SEMA4D: variants seen among roughly 807,000 people sequenced by gnomAD.
SEMA4D encodes the protein semaphorin 4D.
SEMA4D carries 22 observed loss-of-function variants against 74.8 expected under a neutral mutation model. The ratio of observed to expected loss-of-function variants is 0.29; its 90% confidence interval spans 0.21 to 0.42. SEMA4D has a LOEUF of 0.42. Among genes scored for constraint, SEMA4D ranks in the 10% least tolerant of loss-of-function variants. The pLI is 1.00. For missense variants in SEMA4D, 937 were observed against 1,118.4 expected (o/e 0.84, Z 2.31); for synonymous variants, 445 against 463.7 (o/e 0.96, Z 0.52).
downstream of SEMA4D, chr9:89,377,108 AC>A: frequency 6.7e-7 from 1 of 1,490,414 alleles, no homozygotes; most frequent in Middle Eastern, 2.1e-4. Context: ...CGCCAGGAGC[AC>A]GTCACAGGCC....
chr9:89,459,381 G>A (rs1253568408), intron 1 of SEMA4D, among the ~76,000 whole-genome samples: 1 of 152,218 alleles, frequency 6.6e-6, no homozygotes, highest in Non-Finnish European at 1.5e-5. Flanking sequence ...TTCCGTCAGT[G>A]AATGCTTTTT....
intron 2 of SEMA4D, among the ~76,000 whole-genome samples, chr9:89,411,405 A>G (rs1240317188): frequency 6.6e-6 from 1 of 152,202 alleles, no homozygotes; most frequent in Non-Finnish European, 1.5e-5. Flanking sequence ...GGGAGGGGAC[A>G]AGAGTCAGAG....
chr9:89,415,187 G>A (rs1458972594), intron 2 of SEMA4D, among the ~76,000 whole-genome samples: 1 of 152,138 alleles, frequency 6.6e-6, no homozygotes, highest in Non-Finnish European at 1.5e-5. Flanking sequence ...TTTCTGGAGG[G>A]TGTGTGGTGT....
At chr9:89,363,561 CTG>C in intron 17 of SEMA4D, 3 of 1,612,680 alleles carry the variant, frequency 1.9e-6, no homozygotes, top group Non-Finnish European at 2.5e-6. Flanking sequence ...GGTCAAAGCT[CTG>C]TGGGCCTTTA....
At chr9:89,385,496 G>A (rs763592507) in intron 13 of SEMA4D, 94 of 985,238 alleles carry the variant, frequency 9.5e-5, no homozygotes, top group Non-Finnish European at 1.0e-4. Flanking sequence ...CCTGGAGACC[G>A]AGAGGCTGGT....
chr9:89,474,096 C>T (rs1426971345), intron 1 of SEMA4D, among the ~76,000 whole-genome samples: 1 of 152,130 alleles, frequency 6.6e-6, no homozygotes, highest in Non-Finnish European at 1.5e-5. Context: ...CAAAGGAGTT[C>T]CAGCCACTCT....
chr9:89,465,779 A>G (rs1858528560), intron 1 of SEMA4D, among the ~76,000 whole-genome samples: 1 of 152,198 alleles, frequency 6.6e-6, no homozygotes, highest in Non-Finnish European at 1.5e-5. Context: ...TTGCCTTCGG[A>G]TATCTATGAC....
intron 2 of SEMA4D, chr9:89,450,592 C>A: frequency 1.2e-6 from 1 of 854,018 alleles, no homozygotes; most frequent in Non-Finnish European, 1.9e-6. Flanking sequence ...CTCTATAAGT[C>A]TGAGATGAAG....
At chr9:89,428,169 C>T (rs150611566) in intron 2 of SEMA4D, among the ~76,000 whole-genome samples, 1 of 152,134 alleles carries the variant, frequency 6.6e-6, no homozygotes, top group Non-Finnish European at 1.5e-5. Flanking sequence ...TGGAGGGATA[C>T]GGCCCCCACA....
chr9:89,403,009 G>C lies in SEMA4D; in HGVS notation c.114C>G (p.His38Gln). ...PRITWEHREV[H>Q]LVQFHEPDIY... ...TGTCTGGCTCATGAAACTGCACCAG[G>C]TGCACCTCTGTGGGATGCAAGGGCA... The change falls in exon 4 of 16, where the codon CAC becomes CAG. Residue 38 changes from histidine (H) to glutamine (Q), a missense_variant. By Grantham distance (24) the His-to-Gln change is conservative. Transcript: ENST00000422704. 1 of 1,609,582 alleles carries C rather than the reference G, an allele frequency of 6.2e-7. No individual in the cohort carries two copies. The highest frequency in any genetic ancestry group is 8.5e-7 in the Non-Finnish European group (1 of 1,176,078).
At chr9:89,386,301 C>T in intron 13 of SEMA4D, 66 bp downstream of exon 13, 1 of 1,312,682 alleles carries the variant, frequency 7.6e-7, no homozygotes, top group Non-Finnish European at 1.1e-6. Flanking sequence ...TGCCAACTCT[C>T]CTGTCACCTA....
chr9:89,449,632 G>T, intron 2 of SEMA4D: 1 of 1,273,604 alleles, frequency 7.9e-7, no homozygotes, highest in Non-Finnish European at 1.1e-6. Flanking sequence ...AGATGGGGGG[G>T]TGACATTGCC....
Position 89,405,612 on chromosome 9 carries a change from T to A in SEMA4D, c.-156A>T. The stretch of plus-strand genomic sequence containing the variant: ...CAGCGCGGTCCCTGAGAATCCACAT[T>A]TCCCAGTTCTCCAGGTGAGGAGGGG... On this transcript the variant is annotated 5_prime_UTR_variant, in exon 3 of 16. Coordinates refer to ENST00000422704, the MANE Select transcript of SEMA4D (RefSeq NM_001371194.2). 7.0e-7 allele frequency: 1 copy of A among 1,438,416 alleles called. No individual in the cohort carries two copies. Among genetic ancestry groups the A allele is most frequent in the South Asian group, 1.5e-5 (1 of 68,384 alleles). 89.1% of individuals were successfully genotyped at this position (1,438,416 alleles called of 1,614,324 possible). A position where few individuals can be genotyped will look rare whatever the true frequency, so the allele number is the denominator to read the frequency against.
chr9:89,491,496 C>T (rs1031952234), intron 1 of SEMA4D, among the ~76,000 whole-genome samples: 6 of 152,268 alleles, frequency 3.9e-5, no homozygotes, highest in African/African-American at 4.8e-5. Context: ...CTTGAACCCA[C>T]GAGGCAGAGG....
intron 13 of SEMA4D, among the ~76,000 whole-genome samples, chr9:89,384,225 G>A (rs1021486228): frequency 1.3e-5 from 2 of 152,234 alleles, no homozygotes; most frequent in Non-Finnish European, 2.9e-5. Flanking sequence ...GAAGCCAGAA[G>A]GTGGGAGCAA....
downstream of SEMA4D, among the ~76,000 whole-genome samples, chr9:89,374,018 A>G (rs962153042): frequency 6.6e-6 from 1 of 152,236 alleles, no homozygotes; most frequent in African/African-American, 2.4e-5. Flanking sequence ...ACCCTTGAAA[A>G]GGCTGAAGCC....
At chr9:89,430,751 C>T (rs921996885) in intron 2 of SEMA4D, among the ~76,000 whole-genome samples, 3 of 152,194 alleles carry the variant, frequency 2.0e-5, no homozygotes, top group African/African-American at 7.2e-5. Context: ...CCAAGGCGGG[C>T]AGATCACCTG....
At chr9:89,385,378 T>G in intron 13 of SEMA4D, 1 of 985,418 alleles carries the variant, frequency 1.0e-6, no homozygotes. Flanking sequence ...AACAGCACGA[T>G]GGCCCCAGAA....
chr9:89,379,338 G>T lies in SEMA4D; in HGVS notation c.1955C>A (p.Pro652His). The T allele has an allele frequency of 1.2e-6, 2 of 1,614,158 alleles. No individual in the cohort carries two copies. The highest frequency in any genetic ancestry group is 1.7e-6 in the Non-Finnish European group (2 of 1,180,028). Reference sequence around the variant, plus strand: ...AACTGACAAGGTGGGGGCCACTACGGGCTTTGGAACCACCTTCACTTCCAG... The same window carrying T: ...AACTGACAAGGTGGGGGCCACTACGTGCTTTGGAACCACCTTCACTTCCAG... ...HVLEVKVVPK[P>H]VVAPTLSVVQ... is the part of the protein sequence containing the mutation. The change falls in exon 16 of 16, where the codon CCC (proline) becomes CAC (histidine). Residue 652 changes from proline (P) to histidine (H), a missense_variant. Transcript: ENST00000422704.
Sources: gnomAD v4.1 joint callset for allele counts (sites outside exome capture counted in the v4.1 genomes callset) on GRCh38, gnomAD v4.1.1 for gene constraint, MANE v1.5 for transcripts, NCBI Gene and HGNC (gene_info 2026-07-23, HGNC 2026-07-21) for gene names.